The following NELL1 variants were observed in gnomAD, a reference collection of about 807,000 sequenced individuals.
The protein encoded by NELL1 is neural EGFL like 1.
NELL1 carries 76 observed loss-of-function variants against 107.4 expected under a neutral mutation model. The ratio of observed to expected loss-of-function variants is 0.71; its 90% CI spans 0.59 to 0.86. NELL1 has a LOEUF of 0.86. NELL1 is among the 40% of genes least tolerant of loss of function. NELL1 has a pLI of 0.00. For missense variants in NELL1, 1,024 were observed against 1,005.5 expected (o/e 1.02, Z -0.25); for synonymous variants, 353 against 341.2 (o/e 1.03, Z -0.38).
chr11:20,778,024 T>G (rs1936259397), intron 2 of NELL1, among the ~76,000 whole-genome samples: 1 of 152,208 alleles, frequency 6.6e-6, no homozygotes, highest in Admixed American at 6.5e-5. Flanking sequence ...GAGATACACT[T>G]GCAGAAAAAG....
In NELL1 at chr11:20,794,863, A is replaced by G. The variant is rs554378028; in HGVS notation, c.335+11033A>G. On this transcript the variant is annotated intron_variant, in intron 3 of 19. Coordinates refer to ENST00000357134, the MANE Select transcript of NELL1 (RefSeq NM_006157.5). ...AATGTTCGATTTTCAGTTAAAAGTCATCTTTGCTGATGAAGCACAATGAGG... is the reference window on the plus strand; with the variant it reads ...AATGTTCGATTTTCAGTTAAAAGTCGTCTTTGCTGATGAAGCACAATGAGG... Among the ~76,000 whole-genome samples, 42 of 152,284 alleles carry G rather than the reference A, an allele frequency of 2.8e-4. 1 individual carries two copies. Among genetic ancestry groups the G allele is most frequent in the Non-Finnish European group, 2.1e-4 (14 of 68,014 alleles).
intron 12 of NELL1, among the ~76,000 whole-genome samples, chr11:21,017,298 T>G (rs529573159): frequency 2.0e-5 from 3 of 152,256 alleles, no homozygotes; most frequent in Non-Finnish European, 1.5e-5. Flanking sequence ...ACTTGTTTGC[T>G]GCTGTAGCTC....
At chr11:20,819,768 T>C (rs1019903449) in intron 3 of NELL1, among the ~76,000 whole-genome samples, 1 of 152,222 alleles carries the variant, frequency 6.6e-6, no homozygotes, top group Non-Finnish European at 1.5e-5. Flanking sequence ...GCCATGAGAA[T>C]TTGTCAATAT....
At chr11:21,068,500 A>T (rs1853934080) in intron 12 of NELL1, among the ~76,000 whole-genome samples, 1 of 152,204 alleles carries the variant, frequency 6.6e-6, no homozygotes, top group Non-Finnish European at 1.5e-5. Flanking sequence ...CCTGGAATAA[A>T]TGTAGACATG....
At chr11:21,290,443 G>C (rs1849229197) in intron 14 of NELL1, among the ~76,000 whole-genome samples, 1 of 120,188 alleles carries the variant, frequency 8.3e-6, no homozygotes, top group Admixed American at 8.2e-5. Context: ...ATTCCTTCCT[G>C]CTGGCTCTGA....
chr11:21,507,937 C>T (rs900440189), intron 15 of NELL1, among the ~76,000 whole-genome samples: 7 of 152,000 alleles, frequency 4.6e-5, no homozygotes, highest in South Asian at 2.1e-4. Context: ...TGCACCACTA[C>T]GCCTGGCTAA....
chr11:21,327,386 T>G (rs775148482), intron 14 of NELL1, among the ~76,000 whole-genome samples: 3 of 152,124 alleles, frequency 2.0e-5, no homozygotes, highest in Non-Finnish European at 4.4e-5. Context: ...TTTCCCCATT[T>G]TGCTTGGCAC....
chr11:21,105,216 G>A (rs1454878638), intron 12 of NELL1, among the ~76,000 whole-genome samples: 3 of 152,080 alleles, frequency 2.0e-5, no homozygotes, highest in Non-Finnish European at 2.9e-5. Context: ...GGTTAAGAGT[G>A]GAGGTTTAAT....
chr11:20,704,648 G>C (rs1415308474), intron 2 of NELL1, among the ~76,000 whole-genome samples: 1 of 152,120 alleles, frequency 6.6e-6, no homozygotes, highest in African/African-American at 2.4e-5. Context: ...GGTACCAGTT[G>C]TTCCTTTCCA....
chr11:21,565,567 T>A (rs191654046), intron 17 of NELL1, among the ~76,000 whole-genome samples: 63 of 152,020 alleles, frequency 4.1e-4, no homozygotes, highest in Middle Eastern at 3.4e-3. Context: ...GCTGCTGGTT[T>A]GAGGACTGCC....
At chr11:21,182,957 CAAG>C (rs1194864273) in intron 13 of NELL1, among the ~76,000 whole-genome samples, 1 of 151,762 alleles carries the variant, frequency 6.6e-6, no homozygotes, top group Non-Finnish European at 1.5e-5. Context: ...AGGGAACAAA[CAAG>C]AAGGATGAAG....
chr11:21,411,130 G>T (rs1367564766), intron 15 of NELL1, among the ~76,000 whole-genome samples: 2 of 151,986 alleles, frequency 1.3e-5, no homozygotes, highest in African/African-American at 4.8e-5. Context: ...TCCTCATCTG[G>T]AAGTAAAGAA....
At chr11:21,227,590 T>C (rs567885183) in intron 13 of NELL1, among the ~76,000 whole-genome samples, 1 of 152,340 alleles carries the variant, frequency 6.6e-6, no homozygotes, top group South Asian at 2.1e-4. Flanking sequence ...TGTCTGCTAT[T>C]GCACCTGCAA....
chr11:21,210,989 G>A (rs1214232157), intron 13 of NELL1, among the ~76,000 whole-genome samples: 1 of 151,876 alleles, frequency 6.6e-6, no homozygotes, highest in African/African-American at 2.4e-5. Context: ...TTTTATAAAG[G>A]GGTATTTGTA....
At chr11:21,015,663 C>CT (rs1046709337) in intron 12 of NELL1, among the ~76,000 whole-genome samples, 6 of 151,776 alleles carry the variant, frequency 4.0e-5, no homozygotes, top group South Asian at 2.1e-4. Flanking sequence ...ATTTTCAAGA[C>CT]TTTTTTTTCC....
chr11:21,144,560 G>A (rs904444278), intron 13 of NELL1, among the ~76,000 whole-genome samples: 1 of 152,124 alleles, frequency 6.6e-6, no homozygotes, highest in African/African-American at 2.4e-5. Context: ...TCTTTTATGT[G>A]GCAGTTTTTC....
At chr11:21,185,595 C>A (rs1590714575) in intron 13 of NELL1, among the ~76,000 whole-genome samples, 1 of 151,650 alleles carries the variant, frequency 6.6e-6, no homozygotes, top group East Asian at 1.9e-4. Context: ...GCACCTGGCC[C>A]TATCGTTTTT....
At chr11:21,044,412 C>T (rs1360302431) in intron 12 of NELL1, among the ~76,000 whole-genome samples, 1 of 152,080 alleles carries the variant, frequency 6.6e-6, no homozygotes, top group Non-Finnish European at 1.5e-5. Flanking sequence ...GTGGAGAAAG[C>T]ATGTTAAGCA....
chr11:21,393,885 AG>A (rs1851929947), intron 15 of NELL1, among the ~76,000 whole-genome samples: 1 of 151,728 alleles, frequency 6.6e-6, no homozygotes, highest in Non-Finnish European at 1.5e-5. Context: ...CTTTTCTGGT[AG>A]TACCTTTGAC....
Sources: gnomAD v4.1 joint callset for allele counts (sites outside exome capture counted in the v4.1 genomes callset) on GRCh38, gnomAD v4.1.1 for gene constraint, MANE v1.5 for transcripts, NCBI Gene and HGNC (gene_info 2026-07-23, HGNC 2026-07-21) for gene names.